SQOR: variants seen among roughly 807,000 people sequenced by gnomAD.
SQOR encodes the protein sulfide:quinone oxidoreductase, mitochondrial.
SQOR carries 39 observed loss-of-function variants against 48.6 expected under a neutral mutation model. That is an observed-to-expected ratio of 0.80 (90% CI 0.62 to 1.05). SQOR has a LOEUF of 1.05. SQOR is among the 50% of genes least tolerant of loss of function. The pLI is 0.00. For synonymous variants in SQOR, 220 were observed against 206.2 expected, an observed-to-expected ratio of 1.07 and a Z score of -0.57; for missense variants, 561 against 559.9, an observed-to-expected ratio of 1.00 and a Z score of -0.02.
At chr15:45,659,882 A>G (rs1171915100) in intron 2 of SQOR, among the ~76,000 whole-genome samples, 2 of 152,118 alleles carry the variant, frequency 1.3e-5, no homozygotes, top group Non-Finnish European at 2.9e-5. Flanking sequence ...CCCAGTGCCA[A>G]CCTCCTGCCC....
At chr15:45,672,818 T>A (rs1889968153) in intron 4 of SQOR, among the ~76,000 whole-genome samples, 1 of 152,260 alleles carries the variant, frequency 6.6e-6, no homozygotes, top group African/African-American at 2.4e-5. Context: ...CTCATTTGCT[T>A]CTGCCTACAA....
intron 1 of SQOR, among the ~76,000 whole-genome samples, chr15:45,637,298 C>T (rs1895022279): frequency 6.6e-6 from 1 of 152,194 alleles, no homozygotes; most frequent in African/African-American, 2.4e-5. Context: ...CTTTTCGCCT[C>T]AGCTTCTTCA....
Position 45,676,204 on chromosome 15 carries a change from G to A in SQOR, c.758G>A (p.Arg253Gln), listed in dbSNP as rs182326393. ...GCCCTGCAGGAGATCATCCAGGAGCGGAACCTCACTGTTAACTACAAGAAA... is the reference window on the plus strand; with the variant it reads ...GCCCTGCAGGAGATCATCCAGGAGCAGAACCTCACTGTTAACTACAAGAAA... Reference protein sequence around the residue: ...ADALQEIIQERNLTVNYKKNL... With the variant: ...ADALQEIIQEQNLTVNYKKNL... Residue 253 changes from arginine (R) to glutamine (Q), a missense_variant, in exon 6 of 10, where the codon CGG becomes CAG. Transcript: ENST00000260324. 267 of 1,614,072 alleles carry A rather than the reference G, an allele frequency of 1.7e-4. 2 individuals carry two copies. Among genetic ancestry groups the A allele is most frequent in the Admixed American group, 2.8e-4 (17 of 60,004 alleles).
chr15:45,671,678 G>A (rs1457144339), intron 4 of SQOR, among the ~76,000 whole-genome samples: 1 of 152,230 alleles, frequency 6.6e-6, no homozygotes, highest in African/African-American at 2.4e-5. Flanking sequence ...ACTAGGGCAA[G>A]GATGTAGCTG....
intron 5 of SQOR, among the ~76,000 whole-genome samples, chr15:45,674,925 G>C (rs1890008755): frequency 6.6e-6 from 1 of 152,204 alleles, no homozygotes; most frequent in African/African-American, 2.4e-5. Context: ...GGAAGAACGG[G>C]CTGGGGAGTG....
rs1890317173 is a variant in SQOR at position 45,691,084 on chromosome 15, A to T, written c.*54A>T. ...TGGCTTCTGGGCCAAAACTGCAGTC[A>T]CTGAATGACCAAGAGCAGCACGAAG... On this transcript the variant is annotated 3_prime_UTR_variant, in exon 10 of 10. Transcript: ENST00000260324. 6.8e-7 allele frequency: 1 copy of T among 1,473,236 alleles called. No homozygotes were observed. Among genetic ancestry groups the T allele is most frequent in the African/African-American group, 1.4e-5 (1 of 72,174 alleles). 91.3% of individuals were successfully genotyped at this position (1,473,236 alleles called of 1,614,324 possible).
At chr15:45,658,519 A>G (rs1309546360) in intron 1 of SQOR, among the ~76,000 whole-genome samples, 1 of 152,014 alleles carries the variant, frequency 6.6e-6, no homozygotes, top group Non-Finnish European at 1.5e-5. Flanking sequence ...ATCCACAGAA[A>G]GCACTGGGGA....
chr15:45,638,742 GAA>G (rs75475383), intron 1 of SQOR, among the ~76,000 whole-genome samples: 2 of 131,558 alleles, frequency 1.5e-5, no homozygotes, highest in African/African-American at 5.6e-5. Flanking sequence ...AAGAAAGAAA[GAA>G]AAAAAAAAAA....
intron 4 of SQOR, among the ~76,000 whole-genome samples, chr15:45,670,970 CT>C (rs1357705577): frequency 3.3e-5 from 5 of 152,184 alleles, no homozygotes; most frequent in Admixed American, 2.6e-4. Context: ...CAGTGTTGAC[CT>C]AGCAAAGGCA....
Position 45,677,905 on chromosome 15 carries a change from A to G in SQOR, c.864+1595A>G, listed in dbSNP as rs576462620. Among the ~76,000 whole-genome samples, 330 of 152,078 alleles carry G rather than the reference A, an allele frequency of 2.2e-3. 2 individuals are homozygous for G. The highest frequency in any genetic ancestry group is 3.7e-3 in the Non-Finnish European group (254 of 68,006). On this transcript the variant is annotated intron_variant, in intron 6 of 9. Transcript: ENST00000260324. Reference sequence around the variant, plus strand: ...TTATTTTTAGTAGCGGCGAGGTTTCACCATGTTGGCCAGGCTGGTCTCGAA... The same window carrying G: ...TTATTTTTAGTAGCGGCGAGGTTTCGCCATGTTGGCCAGGCTGGTCTCGAA...
intron 4 of SQOR, among the ~76,000 whole-genome samples, chr15:45,672,684 C>CA (rs1250659820): frequency 2.6e-5 from 4 of 152,214 alleles, no homozygotes; most frequent in Non-Finnish European, 5.9e-5. Context: ...CAGTCTGTGA[C>CA]ATCTTCATTG....
chr15:45,658,456 A>G (rs903439191), intron 1 of SQOR, among the ~76,000 whole-genome samples: 2 of 152,158 alleles, frequency 1.3e-5, no homozygotes, highest in African/African-American at 4.8e-5. Context: ...TACTGCAAGG[A>G]ATGTTGTAGG....
In SQOR at chr15:45,659,026, G is replaced by A. The variant is rs142428650; in HGVS notation, c.103G>A (p.Gly35Arg). 6.4e-4 allele frequency: 1,030 copies of A among 1,601,514 alleles called. 12 individuals carry two copies. The South Asian group carries it at 0.01, about 16-fold the overall frequency. Residue 35 changes from glycine to arginine, a missense_variant, in exon 2 of 10, where the codon GGG (glycine) becomes AGG (arginine). Transcript: ENST00000260324. Reference sequence around the variant, plus strand: ...GGTCGGCCCCCTTCAGCTGCACACCGGGGCCAGCCATGCGGCCAGGAACCA... The same window carrying A: ...GGTCGGCCCCCTTCAGCTGCACACCAGGGCCAGCCATGCGGCCAGGAACCA... ...QQVGPLQLHTGASHAARNHYE... is the reference protein window; with the variant it reads ...QQVGPLQLHTRASHAARNHYE...
intron 1 of SQOR, among the ~76,000 whole-genome samples, chr15:45,653,970 A>C (rs192951702): frequency 3.0e-4 from 45 of 152,190 alleles, no homozygotes; most frequent in Non-Finnish European, 5.7e-4. Context: ...AAAAATACCA[A>C]AATTAGCCAG....
At chr15:45,685,162 C>T (rs8034672) in intron 7 of SQOR, among the ~76,000 whole-genome samples, 57,283 of 151,978 alleles carry the variant, frequency 0.38, 12,934 homozygotes, top group Middle Eastern at 0.57. Context: ...CAGTTACTTG[C>T]ACCAAGCTAA....
intron 3 of SQOR, among the ~76,000 whole-genome samples, chr15:45,666,856 T>TCTCCCCTCCC (rs1187082458): frequency 9.3e-5 from 1 of 10,756 alleles, no homozygotes; most frequent in Non-Finnish European, 1.9e-4. Flanking sequence ...CCTCCTCTCC[T>TCTCCCCTCCC]CTCCCCTCCC....
rs749986734 is a variant in SQOR at position 45,689,087 on chromosome 15, A to T, written c.1165A>T (p.Ile389Phe). 5 of 1,614,168 alleles carry T rather than the reference A, an allele frequency of 3.1e-6. No individual in the cohort carries two copies. Among genetic ancestry groups the T allele is most frequent in the Non-Finnish European group, 4.2e-6 (5 of 1,180,024 alleles). Residue 389 changes from isoleucine (I) to phenylalanine (F), a missense_variant, in exon 9 of 10, where the codon ATT (isoleucine) becomes TTT (phenylalanine). Coordinates refer to ENST00000260324, the MANE Select transcript of SQOR (RefSeq NM_021199.4). ...CPLVTGYNRV[I>F]LAEFDYKAEP... ...ACTGGTGACCGGCTACAACCGTGTG[A>T]TTCTTGCTGAGTTTGACTACAAAGC...
At chr15:45,635,285 C>T (rs1263757888) in intron 1 of SQOR, among the ~76,000 whole-genome samples, 177 bp downstream of exon 1, 1 of 152,242 alleles carries the variant, frequency 6.6e-6, no homozygotes, top group Non-Finnish European at 1.5e-5. Context: ...ACCTGCAGCT[C>T]TTGCTGCCCT....
chr15:45,680,511 A>G (rs1890108983), intron 6 of SQOR, among the ~76,000 whole-genome samples: 1 of 152,028 alleles, frequency 6.6e-6, no homozygotes, highest in Non-Finnish European at 1.5e-5. Flanking sequence ...TCCCAGCCTC[A>G]AGCAAGCCAT....
Sources: allele counts gnomAD v4.1 joint callset (sites outside exome capture counted in the v4.1 genomes callset), GRCh38; gene constraint gnomAD v4.1.1; transcripts MANE v1.5; gene names NCBI Gene and HGNC (gene_info 2026-07-23, HGNC 2026-07-21).